Variants in MNT observed in about 807,000 individuals in gnomAD.
MNT encodes max-binding protein MNT.
MNT carries 13 observed loss-of-function variants against 40.7 expected under a neutral mutation model. The ratio of observed to expected loss-of-function variants is 0.32; its 90% CI spans 0.21 to 0.51. The LOEUF is 0.51. Among genes scored for constraint, MNT ranks in the 20% least tolerant of loss-of-function variants. MNT has a pLI of 0.98. For missense variants in MNT, 757 were observed against 792.0 expected, an observed-to-expected ratio of 0.96 and a Z score of 0.53; for synonymous variants, 426 against 354.8, an observed-to-expected ratio of 1.20 and a Z score of -2.26.
intron 4 of MNT, among the ~76,000 whole-genome samples, chr17:2,388,864 C>T (rs1375871175): frequency 1.3e-5 from 2 of 152,144 alleles, no homozygotes; most frequent in Non-Finnish European, 2.9e-5. Flanking sequence ...CGCCCAGGCA[C>T]GTCATGACCA....
intron 2 of MNT, 152 bp from the exon 3 acceptor site, chr17:2,394,498 GC>G: frequency 8.7e-7 from 1 of 1,144,800 alleles, no homozygotes; most frequent in Non-Finnish European, 1.3e-6. Context: ...GCCATGCTGC[GC>G]CCACCCCCTG....
chr17:2,390,093 ACT>A (rs1448223238), intron 4 of MNT: 1 of 152,158 alleles, frequency 6.6e-6, no homozygotes, highest in Non-Finnish European at 1.5e-5. Context: ...CTCAACACAC[ACT>A]GTCCCTGTCC....
intron 4 of MNT, chr17:2,390,891 CCACA>C (rs889800437): frequency 6.6e-6 from 1 of 152,238 alleles, no homozygotes; most frequent in African/African-American, 2.4e-5. Flanking sequence ...CAGTCCCAGG[CCACA>C]CACAGCCCTC....
At chr17:2,393,107 G>C (rs2151669197) in intron 4 of MNT, among the ~76,000 whole-genome samples, 1 of 151,746 alleles carries the variant, frequency 6.6e-6, no homozygotes, top group East Asian at 2.0e-4. Context: ...CTTCCTCAGA[G>C]GATGGACAGG....
At chr17:2,394,246 C>A in intron 3 of MNT, 59 bp downstream of exon 3, 1 of 1,594,014 alleles carries the variant, frequency 6.3e-7, no homozygotes, top group South Asian at 1.1e-5. Context: ...CGAGGGCCGC[C>A]GGGGCCCGGG....
At chr17:2,393,431 G>C (rs1238234107) in intron 4 of MNT, among the ~76,000 whole-genome samples, 2 of 152,232 alleles carry the variant, frequency 1.3e-5, no homozygotes, top group African/African-American at 4.8e-5. Context: ...AGCGTGACGT[G>C]TTTCAGGCTC....
At chr17:2,400,484 C>T (rs958469298) in intron 1 of MNT, 156 bp downstream of exon 1, 3 of 581,322 alleles carry the variant, frequency 5.2e-6, no homozygotes, top group Non-Finnish European at 5.8e-6. Context: ...CCACATCACC[C>T]CTCCCCAGGC....
chr17:2,394,000 A>T, intron 4 of MNT, 43 bp downstream of exon 4: 1 of 1,394,932 alleles, frequency 7.2e-7, no homozygotes. Flanking sequence ...CGGCGGAGGG[A>T]GGGCGGGGGA....
rs961352315 is a variant in MNT, at chr17:2,385,204, G to C, written c.*1697C>G. 1 of 152,308 alleles carries C rather than the reference G, an allele frequency of 6.6e-6. No individual in the cohort carries two copies. Among genetic ancestry groups the C allele is most frequent in the Non-Finnish European group, 1.5e-5 (1 of 68,096 alleles). The allele number at this position is 152,308 out of a possible 1,614,324, so 9.4% of individuals were successfully genotyped here. A position where few individuals can be genotyped will look rare whatever the true frequency, so the allele number is the denominator to read the frequency against. ...AGGTGTCCAGGACCAGGAGGGAACA[G>C]GAAGGGAATTTTTAGGCATCTAAGG... On this transcript the variant is annotated 3_prime_UTR_variant, in exon 6 of 6. Coordinates refer to ENST00000174618, the MANE Select transcript of MNT (RefSeq NM_020310.3).
At chr17:2,393,877 A>G (rs893167157) in intron 4 of MNT, 166 bp downstream of exon 4, 2 of 355,698 alleles carry the variant, frequency 5.6e-6, no homozygotes, top group African/African-American at 4.4e-5. Flanking sequence ...CCGGGCAGGG[A>G]GCCCCGCTGA....
chr17:2,398,038 C>T (rs920800876), intron 1 of MNT, among the ~76,000 whole-genome samples: 9 of 152,262 alleles, frequency 5.9e-5, no homozygotes, highest in Non-Finnish European at 5.9e-5. Flanking sequence ...AGGTGCTCTG[C>T]AGGCACAGGG....
At chr17:2,393,871 G>A (rs999098916) in intron 4 of MNT, 172 bp downstream of exon 4, 3 of 342,498 alleles carry the variant, frequency 8.8e-6, no homozygotes, top group African/African-American at 2.2e-5. Context: ...GCCCTCCCGG[G>A]CAGGGAGCCC....
rs2066456123 is a variant in MNT, at chr17:2,386,062, G to A, written c.*839C>T. The A allele has an allele frequency of 2.0e-5, 3 of 152,350 alleles. No homozygotes were observed. The highest frequency in any genetic ancestry group is 4.4e-5 in the Non-Finnish European group (3 of 68,156). 9.4% of individuals were successfully genotyped at this position (152,350 alleles called of 1,614,324 possible). ...CCAGGGCTGGGGACTGGGGACTGGG[G>A]ACAGGGGCCCAGTGGCTCTCCTCCC... On this transcript the variant is annotated 3_prime_UTR_variant, in exon 6 of 6. Coordinates refer to ENST00000174618, the MANE Select transcript of MNT (RefSeq NM_020310.3).
At position 2,384,139 on chromosome 17, in the gene MNT, A is replaced by T. The variant is rs879083128; in HGVS notation, c.*2762T>A. 6.6e-6 allele frequency: 1 copy of T among 152,638 alleles called. No homozygotes were observed. Among genetic ancestry groups the T allele is most frequent in the South Asian group, 2.1e-4 (1 of 4,836 alleles). The allele number at this position is 152,638 out of a possible 1,614,324, so 9.5% of individuals were successfully genotyped here. ...CCAGGCAAGTGCTTATTACATGGAT[A>T]GTATTCATGTCTCGGTAACTAAAGT... On this transcript the variant is annotated 3_prime_UTR_variant, in exon 6 of 6. Transcript: ENST00000174618.
chr17:2,397,756 G>A (rs908035455), intron 1 of MNT, among the ~76,000 whole-genome samples: 1 of 152,128 alleles, frequency 6.6e-6, no homozygotes, highest in Admixed American at 6.5e-5. Flanking sequence ...CCCACCCAGC[G>A]GCAACCCTCT....
At chr17:2,394,277 G>GCACGCACGCACGCACACACACA in intron 3 of MNT, 28 bp downstream of exon 3, 1 of 1,487,680 alleles carries the variant, frequency 6.7e-7, no homozygotes, top group Non-Finnish European at 9.0e-7. Context: ...ACGCACGCAC[G>GCACGCACGCACGCACACACACA]CACACACACA....
chr17:2,388,236 C>T (rs1006675868), intron 4 of MNT, 187 bp from the exon 5 acceptor site: 4 of 574,608 alleles, frequency 7.0e-6, no homozygotes, highest in South Asian at 4.5e-5. Context: ...TGAGGCCCAG[C>T]GTCCCAAGGA....
At chr17:2,398,065 C>T (rs183527008) in intron 1 of MNT, among the ~76,000 whole-genome samples, 30 of 152,302 alleles carry the variant, frequency 2.0e-4, no homozygotes, top group African/African-American at 5.3e-4. Flanking sequence ...GTGGAGGAGT[C>T]CACACTGGTG....
chr17:2,394,775 G>C, intron 2 of MNT, 100 bp downstream of exon 2: 1 of 774,096 alleles, frequency 1.3e-6, no homozygotes, highest in African/African-American at 1.7e-5. Context: ...AATACAGGGG[G>C]CACTTCTAAG....
Sources: allele counts gnomAD v4.1 joint callset (sites outside exome capture counted in the v4.1 genomes callset), GRCh38; gene constraint gnomAD v4.1.1; transcripts MANE v1.5; gene names NCBI Gene and HGNC (gene_info 2026-07-23, HGNC 2026-07-21).